The following HYCC1 variants were observed in gnomAD, a reference collection of about 807,000 sequenced individuals.
HYCC1 encodes hyccin.
chr7:22,996,435 G>C, the HYCC1 span, among the ~76,000 whole-genome samples: 6 of 151,542 alleles, frequency 4.0e-5, no homozygotes, highest in African/African-American at 1.5e-4. Context: ...TTAGATTCAG[G>C]AGGTACATGT....
chr7:22,947,950 T>C, the HYCC1 span, among the ~76,000 whole-genome samples: 1 of 152,126 alleles, frequency 6.6e-6, no homozygotes, highest in Admixed American at 6.6e-5. Flanking sequence ...ATAAATTTAG[T>C]TCATTACTAG....
chr7:22,976,632 T>C, the HYCC1 span: 2 of 992,998 alleles, frequency 2.0e-6, no homozygotes, highest in African/African-American at 3.2e-5. Context: ...ATAAGTCTAC[T>C]GAAATAATTT....
At chr7:23,002,753 A>G in the HYCC1 span, among the ~76,000 whole-genome samples, 1 of 152,158 alleles carries the variant, frequency 6.6e-6, no homozygotes, top group African/African-American at 2.4e-5. Context: ...AAAGCCACCT[A>G]TATTTGTTTG....
At chr7:22,944,923 T>TA in the HYCC1 span, 1 of 152,336 alleles carries the variant, frequency 6.6e-6, no homozygotes, top group African/African-American at 2.4e-5. Context: ...GAAATGCCTC[T>TA]AGCCATCCCC....
At chr7:22,966,088 A>G in the HYCC1 span, among the ~76,000 whole-genome samples, 3 of 151,056 alleles carry the variant, frequency 2.0e-5, no homozygotes, top group Non-Finnish European at 2.9e-5. Flanking sequence ...AATGACAGGG[A>G]AAAAAAACTG....
the HYCC1 span, chr7:22,938,606 C>G: frequency 6.6e-6 from 1 of 152,154 alleles, no homozygotes; most frequent in African/African-American, 2.4e-5. Context: ...TTTTCTATGT[C>G]AGGCCAATTC....
the HYCC1 span, among the ~76,000 whole-genome samples, chr7:22,975,414 T>TA: frequency 6.6e-6 from 1 of 152,202 alleles, no homozygotes; most frequent in African/African-American, 2.4e-5. Context: ...TCAGGATTTT[T>TA]AAAATGTGAA....
chr7:22,940,260 T>A, the HYCC1 span: 1 of 138,464 alleles, frequency 7.2e-6, no homozygotes, highest in Non-Finnish European at 1.5e-5. Flanking sequence ...TTTTTTTTTT[T>A]TTTTTTTTTG....
At chr7:22,976,621 T>G in the HYCC1 span, 1 of 905,964 alleles carries the variant, frequency 1.1e-6, no homozygotes, top group Non-Finnish European at 1.8e-6. Flanking sequence ...AAACATTATT[T>G]ATAAGTCTAC....
chr7:22,978,511 A>C, the HYCC1 span: 1 of 1,323,508 alleles, frequency 7.6e-7, no homozygotes, highest in Non-Finnish European at 1.1e-6. Flanking sequence ...CTACTATATG[A>C]AGTATAAAAG....
the HYCC1 span, chr7:22,976,576 T>C: frequency 1.4e-6 from 1 of 740,424 alleles, no homozygotes; most frequent in South Asian, 1.5e-5. Flanking sequence ...ATAAAATGAC[T>C]CAGTATTCAA....
the HYCC1 span, among the ~76,000 whole-genome samples, chr7:22,984,789 G>A: frequency 9.3e-4 from 141 of 152,120 alleles, no homozygotes; most frequent in African/African-American, 3.1e-3. Context: ...CCAATTGAAG[G>A]GAAAATTTAG....
At chr7:22,928,721 T>C in the HYCC1 span, among the ~76,000 whole-genome samples, 2 of 152,148 alleles carry the variant, frequency 1.3e-5, no homozygotes, top group Non-Finnish European at 2.9e-5. Context: ...TCCATGCTCA[T>C]GGGTAGGAAG....
chr7:22,955,310 G>A, the HYCC1 span, among the ~76,000 whole-genome samples: 1 of 149,120 alleles, frequency 6.7e-6, no homozygotes, highest in South Asian at 2.1e-4. Flanking sequence ...TACTTATTTT[G>A]TAGCTAGTAA....
chr7:22,919,283 T>C, the HYCC1 span, among the ~76,000 whole-genome samples: 99,341 of 152,112 alleles, frequency 0.65, 32,415 homozygotes, highest in Non-Finnish European at 0.67. Context: ...AATCCCAGCA[T>C]TTTGGGAGGC....
chr7:22,952,315 G>A, the HYCC1 span, among the ~76,000 whole-genome samples: 1 of 151,978 alleles, frequency 6.6e-6, no homozygotes, highest in Non-Finnish European at 1.5e-5. Context: ...CTTTGAAGAA[G>A]AGATGTTTAA....
the HYCC1 span, chr7:22,943,258 T>G: frequency 6.6e-6 from 1 of 152,188 alleles, no homozygotes; most frequent in Admixed American, 6.6e-5. Context: ...CAATGAAGAT[T>G]ATAATGATCT....
the HYCC1 span, among the ~76,000 whole-genome samples, chr7:22,900,659 A>G: frequency 1.3e-5 from 2 of 152,218 alleles, no homozygotes; most frequent in Non-Finnish European, 2.9e-5. Context: ...ATTAAAATGG[A>G]ATACTAGGAA....
the HYCC1 span, among the ~76,000 whole-genome samples, chr7:22,962,073 C>T: frequency 7.9e-6 from 1 of 126,754 alleles, no homozygotes; most frequent in African/African-American, 2.9e-5. Context: ...CAAGATAAAG[C>T]CAGGTAATCT....
Sources: allele counts gnomAD v4.1 joint callset (sites outside exome capture counted in the v4.1 genomes callset), GRCh38; gene constraint gnomAD v4.1.1; transcripts MANE v1.5; gene names NCBI Gene and HGNC (gene_info 2026-07-23, HGNC 2026-07-21).